Variants in DPY19L1 observed in about 807,000 individuals in gnomAD.
The protein encoded by DPY19L1 is protein C-mannosyl-transferase DPY19L1.
Under a neutral mutation model 96.9 loss-of-function variants are expected in DPY19L1, and 35 were observed. The ratio of observed to expected loss-of-function variants is 0.36; its 90% CI spans 0.28 to 0.48. The LOEUF is 0.48. Among genes scored for constraint, DPY19L1 ranks in the 20% least tolerant of loss-of-function variants. The pLI, the probability that DPY19L1 is intolerant of heterozygous loss-of-function variation, is 0.99. For synonymous variants in DPY19L1, 205 were observed against 252.6 expected (o/e 0.81, Z 1.79); for missense variants, 521 against 777.9 (o/e 0.67, Z 3.93).
chr7:35,005,120 C>A (rs989463362), intron 6 of DPY19L1, among the ~76,000 whole-genome samples: 1 of 152,078 alleles, frequency 6.6e-6, no homozygotes. Flanking sequence ...TATAATTCTA[C>A]CATATTTCTC....
intron 1 of DPY19L1, among the ~76,000 whole-genome samples, chr7:35,020,369 A>G (rs577295870): frequency 6.6e-6 from 1 of 152,324 alleles, no homozygotes; most frequent in Non-Finnish European, 1.5e-5. Context: ...TAGAGCCTTC[A>G]TATCCATAAA....
At position 34,959,796 on chromosome 7, in the gene DPY19L1, T is replaced by C. The variant is rs1435939221; in HGVS notation, c.1093-1726A>G. On this transcript the variant is annotated intron_variant, in intron 10 of 21. Coordinates refer to ENST00000638088, the MANE Select transcript of DPY19L1 (RefSeq NM_001366673.1). The stretch of plus-strand genomic sequence containing the variant: ...GGTTGATGGGTGCAGCAAACCACCA[T>C]GACACGTGTATACCTATGTAACAAA... Among the ~76,000 whole-genome samples, 3 of 151,040 alleles carry C rather than the reference T, an allele frequency of 2.0e-5. No individual in the cohort carries two copies. In the Admixed American group the frequency reaches 2.0e-4, roughly 10 times the overall value.
intron 12 of DPY19L1, 45 bp downstream of exon 12, chr7:34,955,263 T>A (rs1315117940): frequency 2.3e-5 from 35 of 1,548,398 alleles, no homozygotes; most frequent in Non-Finnish European, 2.8e-5. Context: ...AATGATATAT[T>A]TTAGAGAAGA....
chr7:34,971,622 G>C (rs760889513), intron 8 of DPY19L1, among the ~76,000 whole-genome samples: 3 of 152,178 alleles, frequency 2.0e-5, no homozygotes, highest in African/African-American at 4.8e-5. Context: ...CTAAAGAAAG[G>C]AAAGTTCTCT....
rs1413556852 is a variant in DPY19L1, at chr7:34,930,731, T to A, written c.*842A>T. On this transcript the variant is annotated 3_prime_UTR_variant, in exon 22 of 22. Coordinates refer to ENST00000638088, the MANE Select transcript of DPY19L1 (RefSeq NM_001366673.1). ...AAACATGAAAAAACTTTAAAGTGGT[T>A]TAAAGGTATTAAAATATAAACATTT... The A allele has an allele frequency of 6.6e-6, 1 of 152,178 alleles. No individual in the cohort carries two copies. Among genetic ancestry groups the A allele is most frequent in the East Asian group, 1.9e-4 (1 of 5,202 alleles). The allele number at this position is 152,178 out of a possible 1,614,324, so 9.4% of individuals were successfully genotyped here. A position where few individuals can be genotyped will look rare whatever the true frequency, so the allele number is the denominator to read the frequency against.
At chr7:34,955,475 G>C in intron 11 of DPY19L1, 108 bp from the exon 12 acceptor site, 1 of 1,414,358 alleles carries the variant, frequency 7.1e-7, no homozygotes, top group Non-Finnish European at 9.6e-7. Flanking sequence ...CTAAAATTTA[G>C]CACATGGTTG....
intron 10 of DPY19L1, among the ~76,000 whole-genome samples, chr7:34,961,750 T>C (rs1784505635): frequency 6.6e-6 from 1 of 151,974 alleles, no homozygotes; most frequent in Non-Finnish European, 1.5e-5. Context: ...TTATCAAAAA[T>C]ATACAAAGAA....
intron 9 of DPY19L1, among the ~76,000 whole-genome samples, chr7:34,968,768 CAAAAAAAAAA>C (rs35977506): frequency 5.6e-4 from 5 of 8,888 alleles, no homozygotes; most frequent in African/African-American, 7.0e-4. Context: ...GACTCCATCG[CAAAAAAAAAA>C]AAAAAAAAAA....
At chr7:34,985,211 G>C (rs1343375542) in intron 7 of DPY19L1, among the ~76,000 whole-genome samples, 2 of 152,080 alleles carry the variant, frequency 1.3e-5, no homozygotes, top group South Asian at 2.1e-4. Flanking sequence ...GACTAATGGG[G>C]AATCAGGAAA....
chr7:34,954,320 G>A lies in DPY19L1; in HGVS notation c.1320+378C>T, dbSNP rs534478171. ...TTTACAAGTAATGACTTGAAAACTG[G>A]AGAGAAAAAAGAATGAGACTATAAT... On this transcript the variant is annotated intron_variant, in intron 13 of 21. Coordinates refer to ENST00000638088, the MANE Select transcript of DPY19L1 (RefSeq NM_001366673.1). Among the ~76,000 whole-genome samples, 3 of 152,070 alleles carry A rather than the reference G, an allele frequency of 2.0e-5. No individual in the cohort carries two copies. In the East Asian group the frequency reaches 5.8e-4, roughly 29 times the overall value.
chr7:35,026,705 T>C (rs1050664769), intron 1 of DPY19L1, among the ~76,000 whole-genome samples: 3 of 152,178 alleles, frequency 2.0e-5, no homozygotes, highest in Non-Finnish European at 2.9e-5. Flanking sequence ...AAGGGAAATA[T>C]ATTAGTAAAT....
chr7:34,949,298 T>C (rs1183506830), intron 14 of DPY19L1, among the ~76,000 whole-genome samples: 1 of 151,914 alleles, frequency 6.6e-6, no homozygotes, highest in Non-Finnish European at 1.5e-5. Flanking sequence ...CGAATGAGAG[T>C]TGCTTGTTCA....
At chr7:34,991,660 T>C (rs1349297121) in intron 6 of DPY19L1, among the ~76,000 whole-genome samples, 1 of 152,142 alleles carries the variant, frequency 6.6e-6, no homozygotes, top group East Asian at 1.9e-4. Flanking sequence ...AATATAGAAG[T>C]TTATAGGGGA....
chr7:35,014,660 C>G (rs575685427), intron 3 of DPY19L1, among the ~76,000 whole-genome samples: 1 of 152,178 alleles, frequency 6.6e-6, no homozygotes, highest in East Asian at 1.9e-4. Flanking sequence ...TCTGATACCA[C>G]TATTTTTAAA....
rs544865271 is a variant in DPY19L1, at chr7:34,962,774, G to C, written c.1092+4120C>G. On this transcript the variant is annotated intron_variant, in intron 10 of 21. Coordinates refer to ENST00000638088, the MANE Select transcript of DPY19L1 (RefSeq NM_001366673.1). ...TAAACTACGGACTTTGGGTGATTCT[G>C]ATGTGTGATGTAGGTTTATCAATTG... is the stretch of plus-strand genomic sequence containing the variant. 3.9e-5 allele frequency among the ~76,000 whole-genome samples: 6 copies of C among 152,284 alleles called. No homozygotes were observed. In the South Asian group the frequency reaches 1.2e-3, roughly 32 times the overall value.
chr7:34,945,615 C>A, intron 16 of DPY19L1, 52 bp downstream of exon 16: 3 of 1,226,660 alleles, frequency 2.4e-6, no homozygotes, highest in African/African-American at 1.5e-5. Context: ...CTGTAAATAT[C>A]TATTTAATAA....
intron 3 of DPY19L1, among the ~76,000 whole-genome samples, chr7:35,014,895 G>T (rs1785805446): frequency 6.6e-6 from 1 of 152,174 alleles, no homozygotes; most frequent in African/African-American, 2.4e-5. Context: ...AAAAGGCCAT[G>T]TGAAGAGGGG....
At chr7:34,965,160 A>G (rs926180378) in intron 10 of DPY19L1, among the ~76,000 whole-genome samples, 7 of 152,196 alleles carry the variant, frequency 4.6e-5, no homozygotes, top group African/African-American at 1.7e-4. Context: ...GAAACTCTCA[A>G]CATATGTGCC....
At chr7:34,999,626 G>A (rs1156968263) in intron 6 of DPY19L1, among the ~76,000 whole-genome samples, 2 of 152,184 alleles carry the variant, frequency 1.3e-5, no homozygotes, top group Non-Finnish European at 2.9e-5. Flanking sequence ...GATGGAACCA[G>A]AGACAGAGGC....
Sources: gnomAD v4.1 joint callset for allele counts (sites outside exome capture counted in the v4.1 genomes callset) on GRCh38, gnomAD v4.1.1 for gene constraint, MANE v1.5 for transcripts, NCBI Gene and HGNC (gene_info 2026-07-23, HGNC 2026-07-21) for gene names.